FBXL17: variants seen among roughly 807,000 people sequenced by gnomAD.
FBXL17 encodes the protein F-box/LRR-repeat protein 17.
In FBXL17, 22 loss-of-function variants were observed where a neutral mutation model predicts 66.2. The ratio of observed to expected loss-of-function variants is 0.33; its 90% CI spans 0.24 to 0.47. The LOEUF is 0.47. FBXL17 is among the 20% of genes least tolerant of loss of function. FBXL17 has a pLI of 1.00. For synonymous variants in FBXL17, 474 were observed against 400.5 expected (o/e 1.18, Z -2.19); for missense variants, 878 against 948.2 (o/e 0.93, Z 0.97).
chr5:108,004,111 G>A (rs950992259), intron 7 of FBXL17, among the ~76,000 whole-genome samples: 1 of 152,082 alleles, frequency 6.6e-6, no homozygotes, highest in Non-Finnish European at 1.5e-5. Context: ...AATAATGATT[G>A]GCAGCTCTTT....
intron 6 of FBXL17, among the ~76,000 whole-genome samples, chr5:108,163,224 A>G (rs1270443892): frequency 1.3e-5 from 2 of 152,020 alleles, no homozygotes; most frequent in Non-Finnish European, 2.9e-5. Context: ...CAGAGAGTCA[A>G]CCTCTATTCC....
chr5:108,001,629 T>C (rs1455878848), intron 7 of FBXL17, among the ~76,000 whole-genome samples: 2 of 152,068 alleles, frequency 1.3e-5, no homozygotes, highest in African/African-American at 4.8e-5. Context: ...GCCTCCCAAG[T>C]AGCTGGGACT....
At chr5:108,155,742 A>T (rs182737287) in intron 6 of FBXL17, among the ~76,000 whole-genome samples, 1 of 152,302 alleles carries the variant, frequency 6.6e-6, no homozygotes, top group East Asian at 1.9e-4. Context: ...AAATGCCATC[A>T]GAGTTCAGAT....
At chr5:107,900,052 T>C (rs1192625447) in intron 7 of FBXL17, among the ~76,000 whole-genome samples, 1 of 152,204 alleles carries the variant, frequency 6.6e-6, no homozygotes, top group Non-Finnish European at 1.5e-5. Context: ...CATTTTTTTC[T>C]GATGTAACCA....
chr5:108,309,711 T>C (rs1759023993), intron 4 of FBXL17, among the ~76,000 whole-genome samples: 1 of 152,024 alleles, frequency 6.6e-6, no homozygotes, highest in Non-Finnish European at 1.5e-5. Context: ...AGAAAAAAAC[T>C]GAAAATATTC....
At chr5:107,888,146 C>T (rs1033516108) in intron 7 of FBXL17, among the ~76,000 whole-genome samples, 1 of 151,944 alleles carries the variant, frequency 6.6e-6, no homozygotes, top group African/African-American at 2.4e-5. Context: ...TCTTTTTTTG[C>T]AATATTTTGT....
At chr5:107,969,385 G>T (rs993311908) in intron 7 of FBXL17, among the ~76,000 whole-genome samples, 1 of 151,970 alleles carries the variant, frequency 6.6e-6, no homozygotes, top group South Asian at 2.1e-4. Flanking sequence ...CAGAAAAAAT[G>T]ACTCATTATT....
intron 5 of FBXL17, among the ~76,000 whole-genome samples, chr5:108,223,800 T>C (rs563078596): frequency 3.5e-4 from 40 of 113,298 alleles, no homozygotes; most frequent in African/African-American, 1.3e-3. Flanking sequence ...TCTAGTGATA[T>C]ATGAGCACTT....
chr5:107,928,227 C>T (rs1384568449), intron 7 of FBXL17, among the ~76,000 whole-genome samples: 2 of 151,928 alleles, frequency 1.3e-5, no homozygotes, highest in Non-Finnish European at 2.9e-5. Flanking sequence ...TGCTCAAGCT[C>T]TAAGGAAAGG....
At chr5:107,906,388 T>G (rs1466452576) in intron 7 of FBXL17, among the ~76,000 whole-genome samples, 1 of 152,118 alleles carries the variant, frequency 6.6e-6, no homozygotes, top group Non-Finnish European at 1.5e-5. Context: ...GAAAAGCACT[T>G]TGAACATAAA....
At chr5:108,357,732 T>TA (rs1554093126) in intron 3 of FBXL17, among the ~76,000 whole-genome samples, 1 of 151,978 alleles carries the variant, frequency 6.6e-6, no homozygotes, top group Non-Finnish European at 1.5e-5. Flanking sequence ...GTTTTTTTTT[T>TA]AAATTATACT....
At chr5:107,939,424 T>C (rs912648317) in intron 7 of FBXL17, among the ~76,000 whole-genome samples, 2 of 152,104 alleles carry the variant, frequency 1.3e-5, no homozygotes, top group Non-Finnish European at 2.9e-5. Flanking sequence ...TTCTTTCTTT[T>C]CCTTTTAACT....
At chr5:107,993,325 G>A (rs1753334866) in intron 7 of FBXL17, among the ~76,000 whole-genome samples, 1 of 152,154 alleles carries the variant, frequency 6.6e-6, no homozygotes, top group Admixed American at 6.5e-5. Context: ...GTAAGATGAT[G>A]AGTGATTATT....
intron 4 of FBXL17, among the ~76,000 whole-genome samples, chr5:108,254,876 G>T (rs1021937489): frequency 2.0e-5 from 3 of 152,126 alleles, no homozygotes; most frequent in Non-Finnish European, 2.9e-5. Flanking sequence ...GTCTTAAACT[G>T]CCTATCTACA....
chr5:107,920,335 G>A (rs1750270850), intron 7 of FBXL17, among the ~76,000 whole-genome samples: 1 of 152,176 alleles, frequency 6.6e-6, no homozygotes, highest in Non-Finnish European at 1.5e-5. Flanking sequence ...CTCCTGAGTA[G>A]CAGAGATTAA....
At chr5:108,309,851 C>T (rs149163007) in intron 4 of FBXL17, among the ~76,000 whole-genome samples, 49 of 151,740 alleles carry the variant, frequency 3.2e-4, no homozygotes, top group African/African-American at 1.1e-3. Context: ...TTTTGTAATT[C>T]GAAAAAGTAA....
rs1748775042 is a variant in FBXL17 at position 108,367,912 on chromosome 5, T to C, written c.1035A>G (p.Ala345=). 5 of 1,550,820 alleles carry C rather than the reference T, an allele frequency of 3.2e-6. No individual in the cohort carries two copies. Among genetic ancestry groups the C allele is most frequent in the Middle Eastern group, 1.7e-4 (1 of 6,004 alleles). ...CACGCCAGTACTTGCAAACCAATGA[T>C]GCGGAAAGGCAACGCTCATCCAGTG... ...NLSLDERCLS[A]SLVCKYWRDL... Residue 345 remains alanine (A), a synonymous_variant, in exon 2 of 9, where the codon GCA becomes GCG. Coordinates refer to ENST00000542267, the MANE Select transcript of FBXL17 (RefSeq NM_001163315.3).
chr5:108,143,883 T>G (rs1751458650), intron 6 of FBXL17, among the ~76,000 whole-genome samples: 1 of 152,080 alleles, frequency 6.6e-6, no homozygotes, highest in African/African-American at 2.4e-5. Context: ...AATTTCTTAG[T>G]CTATGTCCCA....
At chr5:107,880,234 A>T (rs888746367) in intron 8 of FBXL17, 575 of 354,166 alleles carry the variant, frequency 1.6e-3, no homozygotes, top group Non-Finnish European at 2.0e-3. Context: ...TGCCTGGCTA[A>T]TTTTTTTTTG....
Sources: gnomAD v4.1 joint callset for allele counts (sites outside exome capture counted in the v4.1 genomes callset) on GRCh38, gnomAD v4.1.1 for gene constraint, MANE v1.5 for transcripts, NCBI Gene and HGNC (gene_info 2026-07-23, HGNC 2026-07-21) for gene names.